POSTN: variants seen among roughly 807,000 people sequenced by gnomAD.
POSTN encodes the protein osteoblast specific factor 2 (fasciclin I-like).
POSTN carries 71 observed loss-of-function variants against 104.5 expected under a neutral mutation model. That is an observed-to-expected ratio of 0.68 (90% CI 0.56 to 0.83). POSTN has a LOEUF of 0.83. Ranked by LOEUF, POSTN falls within the 40% of genes least tolerant of loss-of-function variation. The pLI, the probability that POSTN is intolerant of heterozygous loss-of-function variation, is 0.00. For missense variants in POSTN, 949 were observed against 1,006.8 expected, an observed-to-expected ratio of 0.94 and a Z score of 0.78; for synonymous variants, 355 against 340.7, an observed-to-expected ratio of 1.04 and a Z score of -0.46.
chr13:37,597,246 G>C lies in POSTN; in HGVS notation c.156C>G (p.Thr52=), dbSNP rs758897233. Residue 52 remains threonine (T), a synonymous_variant, in exon 2 of 23, where the codon ACC becomes ACG. Coordinates refer to ENST00000379747, the MANE Select transcript of POSTN (RefSeq NM_006475.3). ...TACAAGTGCTGAAGTATTTCTTTTT[G>C]GTGCCCAAAATCTGTTGAAGGGCAC... is the stretch of plus-strand genomic sequence containing the variant. ...NVCALQQILG[T]KKKYFSTCKN... is the part of the protein sequence containing the mutation. 1 of 1,585,300 alleles carries C rather than the reference G, an allele frequency of 6.3e-7. No homozygotes were observed. Among genetic ancestry groups the C allele is most frequent in the Non-Finnish European group, 8.6e-7 (1 of 1,169,444 alleles).
At chr13:37,575,650 G>T (rs548027277) in intron 16 of POSTN, among the ~76,000 whole-genome samples, 5 of 152,212 alleles carry the variant, frequency 3.3e-5, no homozygotes, top group Admixed American at 3.3e-4. Context: ...TGTGCATCTA[G>T]ATCACATCAA....
chr13:37,575,872 C>T (rs941714520), intron 16 of POSTN, among the ~76,000 whole-genome samples: 6 of 152,262 alleles, frequency 3.9e-5, no homozygotes, highest in African/African-American at 9.6e-5. Context: ...ACTAGTTCCA[C>T]AGGTGGTCTT....
Position 37,578,882 on chromosome 13 carries a change from C to G in POSTN, c.1924G>C (p.Glu642Gln). ...DTPVGNDQLL[E>Q]ILNKLIKYIQ... is the part of the protein sequence containing the mutation. ...TATTTGATTAATTTATTAAGTATTT[C>G]CAGCAGTTGATCATTTCCAACAGGT... Residue 642 changes from glutamate (E) to glutamine (Q), a missense_variant, in exon 15 of 23, where the codon GAA (glutamate) becomes CAA (glutamine). Glu to Gln is a conservative substitution (Grantham distance 29, BLOSUM62 2). Transcript: ENST00000379747. The G allele has an allele frequency of 5.7e-6, 9 of 1,592,020 alleles. No individual in the cohort carries two copies. The highest frequency in any genetic ancestry group is 7.7e-6 in the Non-Finnish European group (9 of 1,173,542).
At chr13:37,582,170 TATCTGAGTTTTGA>T (rs1950610020) in intron 10 of POSTN, among the ~76,000 whole-genome samples, 183 bp downstream of exon 10, 1 of 152,220 alleles carries the variant, frequency 6.6e-6, no homozygotes, top group South Asian at 2.1e-4. Context: ...GCAAAATATC[TATCTGAGTTTTGA>T]ATACATAGCA....
In POSTN at chr13:37,584,060, G is replaced by A; in HGVS notation, c.1152C>T (p.Phe384=). Residue 384 remains phenylalanine, a synonymous_variant, in exon 9 of 23, where the codon TTC becomes TTT. Transcript: ENST00000379747. ...AGCCTAATTGGGCCACAAGATCCGTGAAGGTGGTTTGCTGTTTTCCAGCCA... is the reference window on the plus strand; with the variant it reads ...AGCCTAATTGGGCCACAAGATCCGTAAAGGTGGTTTGCTGTTTTCCAGCCA... The part of the protein sequence containing the change: ...IELAGKQQTT[F]TDLVAQLGLA... 1 of 1,613,956 alleles carries A rather than the reference G, an allele frequency of 6.2e-7. No individual in the cohort carries two copies. Among genetic ancestry groups the A allele is most frequent in the Non-Finnish European group, 8.5e-7 (1 of 1,179,944 alleles).
At chr13:37,568,331 T>C (rs1484924165) in intron 21 of POSTN, among the ~76,000 whole-genome samples, 1 of 152,106 alleles carries the variant, frequency 6.6e-6, no homozygotes, top group Non-Finnish European at 1.5e-5. Flanking sequence ...CTACAGAATA[T>C]AGAAATAATA....
intron 3 of POSTN, among the ~76,000 whole-genome samples, chr13:37,590,921 T>C (rs1566034058): frequency 6.6e-6 from 1 of 152,318 alleles, no homozygotes; most frequent in East Asian, 1.9e-4. Context: ...TTACAATTTC[T>C]GGGAGCAAAT....
Position 37,586,163 on chromosome 13 carries a change from T to C in POSTN, c.871A>G (p.Met291Val), listed in dbSNP as rs1566028413. ...CCTTCGGAAGCCACTTTGTCTCCCA[T>C]GATCCTTTCTAGGACACCTCGTGGA... is the stretch of plus-strand genomic sequence containing the variant. ...KLPRGVLERI[M>V]GDKVASEALM... The change falls in exon 7 of 23, where the codon ATG becomes GTG. Residue 291 changes from methionine (M) to valine (V), a missense_variant. Physicochemically the swap from Met to Val is conservative, Grantham distance 21. Coordinates refer to ENST00000379747, the MANE Select transcript of POSTN (RefSeq NM_006475.3). 3 of 1,612,950 alleles carry C rather than the reference T, an allele frequency of 1.9e-6. No homozygotes were observed. Among genetic ancestry groups the C allele is most frequent in the Admixed American group, 1.7e-5 (1 of 59,982 alleles).
chr13:37,596,959 C>T (rs1048513899), intron 2 of POSTN, among the ~76,000 whole-genome samples: 3 of 151,344 alleles, frequency 2.0e-5, no homozygotes, highest in African/African-American at 7.2e-5. Flanking sequence ...TCCTTCTGGC[C>T]TCCATGTCAC....
chr13:37,578,813 A>G (rs758650797), intron 15 of POSTN, 31 bp downstream of exon 15: 1 of 1,491,508 alleles, frequency 6.7e-7, no homozygotes, highest in Non-Finnish European at 9.0e-7. Context: ...AAAAAAAAAA[A>G]AAAAGAAATA....
At chr13:37,596,395 A>G (rs188075018) in intron 2 of POSTN, among the ~76,000 whole-genome samples, 6 of 152,246 alleles carry the variant, frequency 3.9e-5, no homozygotes, top group East Asian at 3.9e-4. Flanking sequence ...ACTTTGGATC[A>G]CAGGAGTGGT....
intron 19 of POSTN, among the ~76,000 whole-genome samples, chr13:37,570,194 C>A (rs946405628): frequency 1.3e-5 from 2 of 151,922 alleles, no homozygotes; most frequent in African/African-American, 4.8e-5. Flanking sequence ...TTTGTATAAA[C>A]TTGCTTCTAT....
At chr13:37,591,960 T>G in intron 3 of POSTN, 140 bp downstream of exon 3, 1 of 547,034 alleles carries the variant, frequency 1.8e-6, no homozygotes, top group Non-Finnish European at 3.3e-6. Flanking sequence ...AAATTCATGA[T>G]TAACACAAAA....
Position 37,583,492 on chromosome 13 carries a change from AGTGCAGTG to A in POSTN, c.1243+469_1243+476del, listed in dbSNP as rs1399838188. ...AGTCTCACTCTGTCGCCCAGGCTAG[AGTGCAGTG>A]GTGCCATCTGCTTCCTGGGTTCAGT... On this transcript the variant is annotated intron_variant, in intron 9 of 22. Transcript: ENST00000379747. Among the ~76,000 whole-genome samples the A allele has an allele frequency of 9.1e-4, 128 of 140,846 alleles. 1 individual carries two copies. Among genetic ancestry groups the A allele is most frequent in the African/African-American group, 3.3e-3 (125 of 37,402 alleles). The allele number at this position is 140,846 out of a possible 152,430, so 92.4% of individuals were successfully genotyped here.
At chr13:37,590,579 A>G (rs770286059) in intron 3 of POSTN, 50 bp from the exon 4 acceptor site, 6 of 1,417,088 alleles carry the variant, frequency 4.2e-6, no homozygotes, top group Non-Finnish European at 4.7e-6. Context: ...TTCTCAGGAT[A>G]TTATTCATAA....
chr13:37,571,785 A>C (rs981361918), intron 17 of POSTN, among the ~76,000 whole-genome samples: 1 of 151,742 alleles, frequency 6.6e-6, no homozygotes, highest in East Asian at 1.9e-4. Context: ...CAGATCATGC[A>C]GTATGTACAC....
chr13:37,579,362 A>C lies in POSTN; in HGVS notation c.1661-3T>G. 1 of 1,559,816 alleles carries C rather than the reference A, an allele frequency of 6.4e-7. No individual in the cohort carries two copies. The highest frequency in any genetic ancestry group is 8.8e-7 in the Non-Finnish European group (1 of 1,134,352). ...GTTTTGAAGAGCATTTTTGTCCCCT[A>C]GGGGAAAATATATGTTTATTTTTAT... On this transcript the variant is annotated splice_region_variant and splice_polypyrimidine_tract_variant and intron_variant, in intron 12 of 22. Coordinates refer to ENST00000379747, the MANE Select transcript of POSTN (RefSeq NM_006475.3).
In POSTN at chr13:37,569,837, T is replaced by A. The variant is rs1950214131; in HGVS notation, c.2270-16A>T. Reference sequence around the variant, plus strand: ...ATTTCAGGACCTATGAGAAGGACAATGAAAAAGGTCTAAAACAGAAGTAGG... The same window carrying A: ...ATTTCAGGACCTATGAGAAGGACAAAGAAAAAGGTCTAAAACAGAAGTAGG... On this transcript the variant is annotated splice_polypyrimidine_tract_variant and intron_variant, in intron 19 of 22. Transcript: ENST00000379747. 1.3e-6 allele frequency: 2 copies of A among 1,556,420 alleles called. No individual in the cohort carries two copies. The highest frequency in any genetic ancestry group is 2.7e-5 in the African/African-American group (2 of 73,166).
chr13:37,598,755 C>G lies in POSTN; in HGVS notation c.-29G>C. 2 of 1,608,908 alleles carry G rather than the reference C, an allele frequency of 1.2e-6. No individual in the cohort carries two copies. Among genetic ancestry groups the G allele is most frequent in the South Asian group, 1.1e-5 (1 of 90,578 alleles). ...GAGTCTCTCCGTTGCAGTTAGTCCC[C>G]GAAGAGAACTGGCAGTGGGCTTTGG... On this transcript the variant is annotated 5_prime_UTR_variant, in exon 1 of 23. Transcript: ENST00000379747.
Sources: gnomAD v4.1 joint callset for allele counts (sites outside exome capture counted in the v4.1 genomes callset) on GRCh38, gnomAD v4.1.1 for gene constraint, MANE v1.5 for transcripts, NCBI Gene and HGNC (gene_info 2026-07-23, HGNC 2026-07-21) for gene names.